The following CCDC192 variants were observed in gnomAD, a reference collection of about 807,000 sequenced individuals.
The protein encoded by CCDC192 is coiled-coil domain containing 192, also known as coiled-coil domain-containing protein 192.
At chr5:127,892,240 C>G (rs1337125183) in intron 6 of CCDC192, among the ~76,000 whole-genome samples, 1 of 152,062 alleles carries the variant, frequency 6.6e-6, no homozygotes, top group Non-Finnish European at 1.5e-5. Context: ...GGAGAAAGCC[C>G]TAAAATTAGA....
intron 2 of CCDC192, among the ~76,000 whole-genome samples, chr5:127,725,606 A>G (rs183522254): frequency 1.7e-3 from 252 of 152,312 alleles, no homozygotes; most frequent in African/African-American, 5.1e-3. Context: ...AACACATCTC[A>G]AGTCAAACTA....
At chr5:127,770,921 T>A (rs1329914498) in intron 3 of CCDC192, among the ~76,000 whole-genome samples, 1 of 152,200 alleles carries the variant, frequency 6.6e-6, no homozygotes, top group Non-Finnish European at 1.5e-5. Flanking sequence ...CCTGCTTTAT[T>A]TGGAGAATGG....
intron 6 of CCDC192, among the ~76,000 whole-genome samples, chr5:127,896,502 C>T (rs975421153): frequency 3.3e-5 from 5 of 151,718 alleles, no homozygotes; most frequent in East Asian, 1.9e-4. Flanking sequence ...ACTGCGAACT[C>T]GGCTCACCAC....
chr5:127,794,509 A>G (rs1757054007), intron 3 of CCDC192, among the ~76,000 whole-genome samples: 2 of 152,232 alleles, frequency 1.3e-5, no homozygotes, highest in Admixed American at 1.3e-4. Flanking sequence ...GTAAGTGCCC[A>G]AGAAATGTTA....
intron 5 of CCDC192, among the ~76,000 whole-genome samples, chr5:127,804,100 G>A (rs528028651): frequency 1.3e-5 from 2 of 152,290 alleles, no homozygotes; most frequent in South Asian, 4.1e-4. Context: ...GCTATAAACT[G>A]CCATTTTACT....
At chr5:127,846,357 C>G (rs934382983) in intron 5 of CCDC192, among the ~76,000 whole-genome samples, 4 of 151,992 alleles carry the variant, frequency 2.6e-5, no homozygotes, top group African/African-American at 9.7e-5. Flanking sequence ...TCCTTGACCT[C>G]TTACAGGCAT....
chr5:127,932,024 C>T (rs1334200835), intron 6 of CCDC192, among the ~76,000 whole-genome samples: 1 of 151,308 alleles, frequency 6.6e-6, no homozygotes, highest in East Asian at 2.0e-4. Flanking sequence ...AGTGGTGGTG[C>T]GCACCTGTAG....
Position 127,762,682 on chromosome 5 carries a change from G to A in CCDC192, c.222+8307G>A, listed in dbSNP as rs75091571. Reference sequence around the variant, plus strand: ...GGTCAGTTTTAAATAGCTGACCGGTGCTAATAAATGTGACTTTCTTGTCTT... The same window carrying A: ...GGTCAGTTTTAAATAGCTGACCGGTACTAATAAATGTGACTTTCTTGTCTT... On this transcript the variant is annotated intron_variant, in intron 3 of 6. Coordinates refer to ENST00000514853, the MANE Select transcript of CCDC192 (RefSeq NM_001317938.2). Among the ~76,000 whole-genome samples, 1,084 of 152,266 alleles carry A rather than the reference G, an allele frequency of 7.1e-3. 11 individuals are homozygous for A. The highest frequency in any genetic ancestry group is 0.012 in the Non-Finnish European group (815 of 68,016).
At chr5:127,776,965 A>C (rs1450712079) in intron 3 of CCDC192, among the ~76,000 whole-genome samples, 1 of 152,218 alleles carries the variant, frequency 6.6e-6, no homozygotes, top group Non-Finnish European at 1.5e-5. Context: ...CTCATGGAGA[A>C]CCTCTGCTAG....
At chr5:127,782,227 G>A (rs1462521339) in intron 3 of CCDC192, among the ~76,000 whole-genome samples, 2 of 152,104 alleles carry the variant, frequency 1.3e-5, no homozygotes, top group African/African-American at 4.8e-5. Flanking sequence ...CTAGTATTTT[G>A]TTAAGGATTT....
intron 6 of CCDC192, among the ~76,000 whole-genome samples, chr5:127,877,195 T>TG (rs1752117687): frequency 6.6e-6 from 1 of 151,968 alleles, no homozygotes. Context: ...TTCATTTTTT[T>TG]CAATATTATT....
At chr5:127,767,027 C>T (rs540234964) in intron 3 of CCDC192, among the ~76,000 whole-genome samples, 1 of 152,242 alleles carries the variant, frequency 6.6e-6, no homozygotes, top group East Asian at 1.9e-4. Flanking sequence ...CTAATAAGGC[C>T]TTGAGAGAAA....
intron 6 of CCDC192, among the ~76,000 whole-genome samples, chr5:127,878,739 GAAGA>G (rs777328261): frequency 1.6e-4 from 24 of 151,528 alleles, no homozygotes; most frequent in Non-Finnish European, 2.8e-4. Flanking sequence ...CCAATTCTGT[GAAGA>G]AAGTCATTGG....
At chr5:127,894,555 A>G (rs1327413002) in intron 6 of CCDC192, among the ~76,000 whole-genome samples, 1 of 152,164 alleles carries the variant, frequency 6.6e-6, no homozygotes, top group Non-Finnish European at 1.5e-5. Flanking sequence ...TTAACTTTGA[A>G]TGGACAATGT....
At chr5:127,704,886 T>C (rs1243356203) in intron 1 of CCDC192, among the ~76,000 whole-genome samples, 2 of 149,628 alleles carry the variant, frequency 1.3e-5, no homozygotes, top group African/African-American at 4.9e-5. Context: ...AATAAATAAA[T>C]CATTTATTCA....
intron 2 of CCDC192, among the ~76,000 whole-genome samples, chr5:127,727,412 C>T (rs369946676): frequency 2.0e-5 from 3 of 151,674 alleles, no homozygotes; most frequent in East Asian, 1.9e-4. Flanking sequence ...GCAGAGGTTG[C>T]GGAGAGCTGA....
At chr5:127,879,238 G>C (rs1580787643) in intron 6 of CCDC192, among the ~76,000 whole-genome samples, 1 of 151,424 alleles carries the variant, frequency 6.6e-6, no homozygotes, top group Non-Finnish European at 1.5e-5. Flanking sequence ...CCAAAACAGA[G>C]ATATAGATCA....
intron 2 of CCDC192, among the ~76,000 whole-genome samples, chr5:127,719,830 G>GAGAGA (rs138708896): frequency 0.087 from 8,162 of 94,290 alleles, 601 homozygotes; most frequent in East Asian, 0.31. Flanking sequence ...ATCAGAGGAA[G>GAGAGA]GGGCGGGGGA....
chr5:127,846,631 G>T (rs1057072636), intron 5 of CCDC192, among the ~76,000 whole-genome samples: 2 of 151,648 alleles, frequency 1.3e-5, no homozygotes, highest in African/African-American at 4.8e-5. Flanking sequence ...CACCACGCCC[G>T]GTTAATTTTT....
Sources: gnomAD v4.1 joint callset for allele counts (sites outside exome capture counted in the v4.1 genomes callset) on GRCh38, gnomAD v4.1.1 for gene constraint, MANE v1.5 for transcripts, NCBI Gene and HGNC (gene_info 2026-07-23, HGNC 2026-07-21) for gene names.